The following TMEM132C variants were observed in gnomAD, a reference collection of about 807,000 sequenced individuals.
TMEM132C encodes transmembrane protein 132C, also known as protein phosphatase 1, regulatory subunit 152.
TMEM132C carries 29 observed loss-of-function variants against 61.4 expected under a neutral mutation model. That is an observed-to-expected ratio of 0.47 (90% confidence interval 0.35 to 0.64). The LOEUF (loss-of-function observed/expected upper bound fraction) is 0.64. Ranked by LOEUF, TMEM132C falls within the 30% of genes least tolerant of loss-of-function variation. The probability of loss-of-function intolerance (pLI) is 0.00; values close to 1 mark genes in which losing one functional copy is unlikely to be tolerated. For missense variants in TMEM132C, 1,408 were observed against 1,476.9 expected, an observed-to-expected ratio of 0.95 and a Z score of 0.76; for synonymous variants, 656 against 633.1, an observed-to-expected ratio of 1.04 and a Z score of -0.54.
intron 2 of TMEM132C, among the ~76,000 whole-genome samples, chr12:128,501,968 T>C (rs1254734672): frequency 6.6e-6 from 1 of 152,224 alleles, no homozygotes; most frequent in East Asian, 1.9e-4. Context: ...ACCAATCCTC[T>C]AAATTTCTGC....
intron 2 of TMEM132C, among the ~76,000 whole-genome samples, chr12:128,467,665 G>T (rs1870781811): frequency 6.6e-6 from 1 of 152,162 alleles, no homozygotes; most frequent in South Asian, 2.1e-4. Flanking sequence ...AGCAGGGAAA[G>T]GTTTCTGCAA....
At chr12:128,456,121 C>T (rs939212652) in intron 2 of TMEM132C, among the ~76,000 whole-genome samples, 24 of 152,042 alleles carry the variant, frequency 1.6e-4, no homozygotes, top group Non-Finnish European at 1.8e-4. Context: ...TGACATCTGC[C>T]CTGCACCAGA....
In TMEM132C at chr12:128,584,998, C is replaced by T. The variant is rs374756745; in HGVS notation, c.1122-31154C>T. ...TCTTTGGAAAACCCTTTCACAGGGCCAGCCTAGATTCCAGGGTAACAGTTA... is the reference window on the plus strand; with the variant it reads ...TCTTTGGAAAACCCTTTCACAGGGCTAGCCTAGATTCCAGGGTAACAGTTA... On this transcript the variant is annotated intron_variant, in intron 3 of 8. Transcript: ENST00000435159. 3.4e-4 allele frequency among the ~76,000 whole-genome samples: 52 copies of T among 152,276 alleles called. 1 individual carries two copies. The South Asian group carries it at 0.011, about 31-fold the overall frequency.
At chr12:128,517,728 G>C (rs138111467) in intron 2 of TMEM132C, among the ~76,000 whole-genome samples, 1 of 152,126 alleles carries the variant, frequency 6.6e-6, no homozygotes, top group Non-Finnish European at 1.5e-5. Flanking sequence ...GTTGTTATTG[G>C]TAAAATTCTC....
At chr12:128,544,631 A>G (rs1397671192) in intron 3 of TMEM132C, among the ~76,000 whole-genome samples, 3 of 116,328 alleles carry the variant, frequency 2.6e-5, no homozygotes, top group Non-Finnish European at 6.0e-5. Flanking sequence ...ATATGAGGAA[A>G]GCACAATTAT....
Position 128,706,386 on chromosome 12 carries a change from A to G in TMEM132C, c.*91A>G. The G allele has an allele frequency of 7.0e-7, 1 of 1,423,702 alleles. No homozygotes were observed. The highest frequency in any genetic ancestry group is 1.4e-5 in the African/African-American group (1 of 69,576). 88.2% of individuals were successfully genotyped at this position (1,423,702 alleles called of 1,614,324 possible). Reference sequence around the variant, plus strand: ...AGAAGGCGTTGTCAGTGGGGTTAAGAAGGGACGGTCCCAGGGTCCATGCTA... The same window carrying G: ...AGAAGGCGTTGTCAGTGGGGTTAAGGAGGGACGGTCCCAGGGTCCATGCTA... On this transcript the variant is annotated 3_prime_UTR_variant, in exon 9 of 9. Transcript: ENST00000435159.
intron 4 of TMEM132C, among the ~76,000 whole-genome samples, chr12:128,667,038 C>T (rs561471145): frequency 6.6e-6 from 1 of 152,288 alleles, no homozygotes; most frequent in African/African-American, 2.4e-5. Context: ...CCACTGCACT[C>T]CAGCCTGGGC....
At chr12:128,668,230 C>T (rs2135629487) in intron 4 of TMEM132C, among the ~76,000 whole-genome samples, 1 of 151,032 alleles carries the variant, frequency 6.6e-6, no homozygotes, top group Non-Finnish European at 1.5e-5. Context: ...GCCTGGGCAA[C>T]ATAGCGAGAC....
chr12:128,543,807 C>A, intron 2 of TMEM132C, 150 bp from the exon 3 acceptor site: 1 of 1,046,256 alleles, frequency 9.6e-7, no homozygotes, highest in Non-Finnish European at 1.3e-6. Flanking sequence ...CCTGGCATCA[C>A]CACCACTGGG....
In TMEM132C at chr12:128,444,694, G is replaced by A. The variant is rs7311315; in HGVS notation, c.974+29074G>A. On this transcript the variant is annotated intron_variant, in intron 2 of 8. Coordinates refer to ENST00000435159, the MANE Select transcript of TMEM132C (RefSeq NM_001136103.3). ...CTCCAGTCTTCTTTGGCTAAAGATA[G>A]TGGCAATAAATATCTTCCCTGTTTG... Among the ~76,000 whole-genome samples the A allele has an allele frequency of 7.5e-3, 1,146 of 152,318 alleles. 13 individuals carry two copies. Among genetic ancestry groups the A allele is most frequent in the African/African-American group, 0.027 (1,111 of 41,558 alleles).
intron 2 of TMEM132C, among the ~76,000 whole-genome samples, chr12:128,506,191 G>T (rs983077933): frequency 2.6e-5 from 4 of 152,194 alleles, no homozygotes; most frequent in African/African-American, 7.2e-5. Context: ...TAGACATCAT[G>T]CCAGCTCTCC....
chr12:128,399,444 T>C lies in TMEM132C; in HGVS notation c.86-15288T>C, dbSNP rs376938496. The stretch of plus-strand genomic sequence containing the variant: ...TACAGCGAAACATTCTCAAACCATA[T>C]GCTATGTGAGCAGCAAATGCACATA... On this transcript the variant is annotated intron_variant, in intron 1 of 8. Transcript: ENST00000435159. 1.8e-3 allele frequency among the ~76,000 whole-genome samples: 276 copies of C among 152,316 alleles called. 2 individuals carry two copies. Among genetic ancestry groups the C allele is most frequent in the South Asian group, 0.01 (49 of 4,828 alleles).
At chr12:128,585,059 G>A (rs1387134814) in intron 3 of TMEM132C, among the ~76,000 whole-genome samples, 1 of 152,212 alleles carries the variant, frequency 6.6e-6, no homozygotes, top group East Asian at 1.9e-4. Flanking sequence ...GCTTCACTGG[G>A]GGCTACAATG....
At chr12:128,692,354 C>G (rs11059837) in intron 5 of TMEM132C, among the ~76,000 whole-genome samples, 20,932 of 152,204 alleles carry the variant, frequency 0.14, 1,741 homozygotes, top group Middle Eastern at 0.2. Context: ...GGTAAGGAAC[C>G]CAGAGGTGAA....
intron 2 of TMEM132C, among the ~76,000 whole-genome samples, chr12:128,513,043 C>T (rs149999884): frequency 1.6e-4 from 24 of 152,134 alleles, no homozygotes; most frequent in African/African-American, 3.1e-4. Context: ...GATGATATGC[C>T]GGGAGGGAGA....
chr12:128,324,892 G>A (rs1033594589), intron 1 of TMEM132C, among the ~76,000 whole-genome samples: 21 of 152,138 alleles, frequency 1.4e-4, no homozygotes, highest in Non-Finnish European at 1.5e-4. Context: ...TCAAGAACGA[G>A]ACATTAGTGA....
intron 3 of TMEM132C, among the ~76,000 whole-genome samples, chr12:128,560,725 G>A (rs1428904375): frequency 6.6e-6 from 1 of 152,170 alleles, no homozygotes; most frequent in Non-Finnish European, 1.5e-5. Context: ...CTCAGTTCCT[G>A]GCACAGGGAA....
chr12:128,523,291 G>C (rs1192412888), intron 2 of TMEM132C, among the ~76,000 whole-genome samples: 1 of 152,150 alleles, frequency 6.6e-6, no homozygotes, highest in Non-Finnish European at 1.5e-5. Context: ...TGTTTAATGG[G>C]TGCAGAGTTT....
At chr12:128,606,255 C>A (rs1876419256) in intron 3 of TMEM132C, among the ~76,000 whole-genome samples, 2 of 152,246 alleles carry the variant, frequency 1.3e-5, no homozygotes, top group Admixed American at 1.3e-4. Context: ...CAGGAAGTTG[C>A]ATCCTGCATG....
Sources: allele counts gnomAD v4.1 joint callset (sites outside exome capture counted in the v4.1 genomes callset), GRCh38; gene constraint gnomAD v4.1.1; transcripts MANE v1.5; gene names NCBI Gene and HGNC (gene_info 2026-07-23, HGNC 2026-07-21).